The following NEFM variants were observed in gnomAD, a reference collection of about 807,000 sequenced individuals.
The protein encoded by NEFM is neurofilament medium chain.
In NEFM, 16 loss-of-function variants were observed where a neutral mutation model predicts 48.1. That is an observed-to-expected ratio of 0.33 (90% CI 0.23 to 0.51). The LOEUF (loss-of-function observed/expected upper bound fraction) is 0.51, where lower values mean the gene tolerates loss of function less well. Ranked by LOEUF, NEFM falls within the 20% of genes least tolerant of loss-of-function variation. The pLI, the probability that NEFM is intolerant of heterozygous loss-of-function variation, is 0.98. For missense variants in NEFM, 1,107 were observed against 1,136.0 expected (o/e 0.97, Z 0.37); for synonymous variants, 465 against 456.9 (o/e 1.02, Z -0.23).
Position 24,917,320 on chromosome 8 carries a change from AAAG to A in NEFM, c.1469_1471del (p.Glu490del). The A allele has an allele frequency of 6.2e-7, 1 of 1,613,812 alleles. No homozygotes were observed. The highest frequency in any genetic ancestry group is 8.5e-7 in the Non-Finnish European group (1 of 1,179,908). On this transcript the variant is annotated inframe_deletion, in exon 3 of 3. Coordinates refer to ENST00000221166, the MANE Select transcript of NEFM (RefSeq NM_005382.2). Reference sequence around the variant, plus strand: ...GGCCGTTTCCATGAAGGAAGAGAAGAAAGAAGCAGCAGAAGAAAAGGAAGAGGA... The same window carrying A: ...GGCCGTTTCCATGAAGGAAGAGAAGAAAGCAGCAGAAGAAAAGGAAGAGGA...
At position 24,918,856 on chromosome 8, in the gene NEFM, G is replaced by A; in HGVS notation, c.*250G>A. 2 of 518,418 alleles carry A rather than the reference G, an allele frequency of 3.9e-6. No individual in the cohort carries two copies. Among genetic ancestry groups the A allele is most frequent in the South Asian group, 2.1e-5 (1 of 46,756 alleles). The allele number at this position is 518,418 out of a possible 1,614,324, so 32.1% of individuals were successfully genotyped here. ...GCTGTTGGAAGGGGGTCACTTAAGG[G>A]GGGATGTCTTGAGATGTATTATGCA... On this transcript the variant is annotated 3_prime_UTR_variant, in exon 3 of 3. Transcript: ENST00000221166.
At chr8:24,915,537 A>C in intron 1 of NEFM, 68 bp from the exon 2 acceptor site, 12 of 1,608,534 alleles carry the variant, frequency 7.5e-6, no homozygotes, top group Non-Finnish European at 8.5e-6. Flanking sequence ...AAGGGGTAGC[A>C]AGTGGTTTGC....
At position 24,918,858 on chromosome 8, in the gene NEFM, G is replaced by A; in HGVS notation, c.*252G>A. ...TGTTGGAAGGGGGTCACTTAAGGGG[G>A]GATGTCTTGAGATGTATTATGCAAA... is the stretch of plus-strand genomic sequence containing the variant. On this transcript the variant is annotated 3_prime_UTR_variant, in exon 3 of 3. Transcript: ENST00000221166. The A allele has an allele frequency of 1.2e-5, 6 of 497,378 alleles. No individual in the cohort carries two copies. Among genetic ancestry groups the A allele is most frequent in the South Asian group, 2.3e-5 (1 of 43,106 alleles). 30.8% of individuals were successfully genotyped at this position (497,378 alleles called of 1,614,324 possible). A position where few individuals can be genotyped will look rare whatever the true frequency, so the allele number is the denominator to read the frequency against.
In NEFM at chr8:24,918,168, G is replaced by A. The variant is rs900181710; in HGVS notation, c.2313G>A (p.Glu771=). ...TKEEGKPLQQ[E]KEKEKAGGEG... is the part of the protein sequence containing the mutation. ...AAGAGGGGAAGCCACTGCAGCAGGA[G>A]AAAGAGAAGGAGAAAGCGGGAGGAG... is the stretch of plus-strand genomic sequence containing the variant. Residue 771 remains glutamate (E), a synonymous_variant, in exon 3 of 3, where the codon GAG becomes GAA. Coordinates refer to ENST00000221166, the MANE Select transcript of NEFM (RefSeq NM_005382.2). 6.4e-7 allele frequency: 1 copy of A among 1,552,022 alleles called. No individual in the cohort carries two copies. The highest frequency in any genetic ancestry group is 2.0e-5 in the Admixed American group (1 of 50,994).
Position 24,917,818 on chromosome 8 carries a change from C to T in NEFM, c.1963C>T (p.Pro655Ser). Reference sequence around the variant, plus strand: ...ACCAGTGGAAGAGAAAGGCAAGTCTCCTGTGCCGAAATCACCAGTGGAAGA... The same window carrying T: ...ACCAGTGGAAGAGAAAGGCAAGTCTTCTGTGCCGAAATCACCAGTGGAAGA... ...KSPVEEKGKS[P>S]VPKSPVEEKG... Residue 655 changes from proline to serine, a missense_variant, in exon 3 of 3, where the codon CCT becomes TCT. By Grantham distance (74) the Pro-to-Ser change is moderately conservative. Around this residue, in one of 3 missense-constraint regions of NEFM, gnomAD observed 917 missense variants for 916.4 expected, o/e 1.00. Coordinates refer to ENST00000221166, the MANE Select transcript of NEFM (RefSeq NM_005382.2). 1 of 1,613,504 alleles carries T rather than the reference C, an allele frequency of 6.2e-7. No individual in the cohort carries two copies. The highest frequency in any genetic ancestry group is 8.5e-7 in the Non-Finnish European group (1 of 1,179,818).
At chr8:24,916,976 C>T in intron 2 of NEFM, 85 bp from the exon 3 acceptor site, 2 of 1,071,252 alleles carry the variant, frequency 1.9e-6, no homozygotes, top group South Asian at 2.5e-5. Context: ...TCAAAGGTAG[C>T]TACCACAATA....
At position 24,913,776 on chromosome 8, in the gene NEFM, C is replaced by T; in HGVS notation, c.-18C>T. 3 of 1,598,790 alleles carry T rather than the reference C, an allele frequency of 1.9e-6. No homozygotes were observed. The highest frequency in any genetic ancestry group is 2.6e-6 in the Non-Finnish European group (3 of 1,173,604). On this transcript the variant is annotated 5_prime_UTR_variant, in exon 1 of 3. It adds an upstream start codon to the 5' untranslated region. Transcript: ENST00000221166. ...CCGGCAGAACGCTGTGACAGCCACA[C>T]GCCCCAAGGCCTCCAAGATGAGCTA...
Position 24,918,268 on chromosome 8 carries a change from G to T in NEFM, c.2413G>T (p.Glu805Ter). The part of the protein sequence containing the change: ...SRKEDIAVNG[E>*]VEGKEEVEQE... ...GAAGGAAGACATAGCTGTCAATGGG[G>T]AGGTAGAAGGAAAAGAGGAGGTAGA... The change falls in exon 3 of 3, where the codon GAG becomes TAG. Residue 805 changes from glutamate (E) to a stop codon, truncating the protein, a stop_gained. Coordinates refer to ENST00000221166, the MANE Select transcript of NEFM (RefSeq NM_005382.2). LOFTEE classifies it high-confidence loss of function. The T allele has an allele frequency of 1.3e-6, 2 of 1,596,166 alleles. No homozygotes were observed. The highest frequency in any genetic ancestry group is 1.7e-6 in the Non-Finnish European group (2 of 1,170,848).
rs1802528495 is a variant in NEFM, at chr8:24,913,784, G to A, written c.-10G>A. 6.2e-7 allele frequency: 1 copy of A among 1,603,616 alleles called. No homozygotes were observed. ...ACGCTGTGACAGCCACACGCCCCAA[G>A]GCCTCCAAGATGAGCTACACGTTGG... On this transcript the variant is annotated 5_prime_UTR_variant, in exon 1 of 3. Coordinates refer to ENST00000221166, the MANE Select transcript of NEFM (RefSeq NM_005382.2).
intron 1 of NEFM, chr8:24,915,368 G>A: frequency 9.0e-7 from 1 of 1,111,588 alleles, no homozygotes; most frequent in Non-Finnish European, 1.2e-6. Context: ...TGGTCTCCGT[G>A]CGTGATGTGC....
In NEFM at chr8:24,918,858, G is replaced by T. The variant is rs1802624542; in HGVS notation, c.*252G>T. The T allele has an allele frequency of 2.0e-6, 1 of 497,410 alleles. No homozygotes were observed. Among genetic ancestry groups the T allele is most frequent in the East Asian group, 3.6e-5 (1 of 27,440 alleles). The allele number at this position is 497,410 out of a possible 1,614,324, so 30.8% of individuals were successfully genotyped here. ...TGTTGGAAGGGGGTCACTTAAGGGG[G>T]GATGTCTTGAGATGTATTATGCAAA... On this transcript the variant is annotated 3_prime_UTR_variant, in exon 3 of 3. Coordinates refer to ENST00000221166, the MANE Select transcript of NEFM (RefSeq NM_005382.2).
chr8:24,918,202 A>G lies in NEFM; in HGVS notation c.2347A>G (p.Ser783Gly), dbSNP rs1172924363. Reference sequence around the variant, plus strand: ...GGAGAAAGCGGGAGGAGAGGGAGGAAGTGAGGAGGAAGGGAGTGATAAAGG... The same window carrying G: ...GGAGAAAGCGGGAGGAGAGGGAGGAGGTGAGGAGGAAGGGAGTGATAAAGG... ...EKEKAGGEGG[S>G]EEEGSDKGAK... Residue 783 changes from serine to glycine, a missense_variant, in exon 3 of 3, where the codon AGT becomes GGT. Ser to Gly is a moderately conservative substitution (Grantham distance 56). Coordinates refer to ENST00000221166, the MANE Select transcript of NEFM (RefSeq NM_005382.2). The G allele has an allele frequency of 1.3e-6, 2 of 1,553,250 alleles. No homozygotes were observed. Among genetic ancestry groups the G allele is most frequent in the South Asian group, 2.4e-5 (2 of 84,218 alleles).
At chr8:24,915,080 G>A in intron 1 of NEFM, 1 of 1,377,160 alleles carries the variant, frequency 7.3e-7, no homozygotes, top group African/African-American at 1.5e-5. Flanking sequence ...TGCCCCAGCT[G>A]CTAAGGGTCT....
Position 24,918,559 on chromosome 8 carries a change from A to G in NEFM, c.2704A>G (p.Lys902Glu). Residue 902 changes from lysine to glutamate, a missense_variant, in exon 3 of 3, where the codon AAA (lysine) becomes GAA (glutamate). Coordinates refer to ENST00000221166, the MANE Select transcript of NEFM (RefSeq NM_005382.2). ...ACTAGTGTCTACTAAAAAGGTAGAA[A>G]AAGTCACTTCACACGCCATAGTAAA... is the stretch of plus-strand genomic sequence containing the variant. ...EKLVSTKKVE[K>E]VTSHAIVKEV... The G allele has an allele frequency of 5.0e-6, 8 of 1,613,506 alleles. No individual in the cohort carries two copies. The highest frequency in any genetic ancestry group is 5.9e-6 in the Non-Finnish European group (7 of 1,180,036).
intron 2 of NEFM, among the ~76,000 whole-genome samples, chr8:24,916,692 TTTTTTGTTTTTG>T (rs941702633): frequency 6.6e-6 from 1 of 152,160 alleles, no homozygotes; most frequent in African/African-American, 2.4e-5. Flanking sequence ...GGCTTTTTGT[TTTTTTGTTTTTG>T]TTTTTGTTTT....
In NEFM at chr8:24,918,181, A is replaced by G; in HGVS notation, c.2326A>G (p.Lys776Glu). 1 of 1,551,676 alleles carries G rather than the reference A, an allele frequency of 6.4e-7. No individual in the cohort carries two copies. Among genetic ancestry groups the G allele is most frequent in the African/African-American group, 1.4e-5 (1 of 72,856 alleles). Residue 776 changes from lysine (K) to glutamate (E), a missense_variant, in exon 3 of 3, where the codon AAA (lysine) becomes GAA (glutamate). This residue lies in a region of NEFM where 917 missense variants were observed against 916.4 expected (regional missense o/e 1.00). Coordinates refer to ENST00000221166, the MANE Select transcript of NEFM (RefSeq NM_005382.2). ...ACTGCAGCAGGAGAAAGAGAAGGAG[A>G]AAGCGGGAGGAGAGGGAGGAAGTGA... ...KPLQQEKEKE[K>E]AGGEGGSEEE...
Position 24,918,348 on chromosome 8 carries a change from C to A in NEFM, c.2493C>A (p.Thr831=). Residue 831 remains threonine (T), a synonymous_variant, in exon 3 of 3, where the codon ACC becomes ACA. Transcript: ENST00000221166. The part of the protein sequence containing the change: ...SGREEEKGVV[T]NGLDLSPADE... ...GGGAAGAGGAGAAAGGCGTTGTCAC[C>A]AATGGCCTAGACTTGAGCCCAGCAG... 6.2e-7 allele frequency: 1 copy of A among 1,613,968 alleles called. No homozygotes were observed. The highest frequency in any genetic ancestry group is 8.5e-7 in the Non-Finnish European group (1 of 1,179,982).
chr8:24,914,996 G>C, intron 1 of NEFM, 123 bp downstream of exon 1: 2 of 1,415,518 alleles, frequency 1.4e-6, no homozygotes, highest in East Asian at 5.5e-5. Context: ...TAGAGCACGC[G>C]CGCCGCAGAC....
In NEFM at chr8:24,914,834, C is replaced by T; in HGVS notation, c.1041C>T (p.Asp347=). 1 of 1,598,158 alleles carries T rather than the reference C, an allele frequency of 6.3e-7. No homozygotes were observed. The highest frequency in any genetic ancestry group is 1.1e-5 in the South Asian group (1 of 88,932). ...AGTCCCTGGAGCGGCAGCTCAGCGA[C>T]ATCGAGGAGCGCCACAACCACGACC... The part of the protein sequence containing the change: ...TKESLERQLS[D]IEERHNHDLS... Residue 347 remains aspartate (D), a synonymous_variant, in exon 1 of 3, where the codon GAC becomes GAT. Coordinates refer to ENST00000221166, the MANE Select transcript of NEFM (RefSeq NM_005382.2).
Sources: allele counts gnomAD v4.1 joint callset (sites outside exome capture counted in the v4.1 genomes callset), GRCh38; gene constraint gnomAD v4.1.1; regional missense constraint gnomAD v4.1.1; transcripts MANE v1.5; gene names NCBI Gene and HGNC (gene_info 2026-07-23, HGNC 2026-07-21).